ZNF114: variants seen among roughly 807,000 people sequenced by gnomAD.
ZNF114 encodes zinc finger protein 114 (Y18).
Under a neutral mutation model 6.8 loss-of-function variants are expected in ZNF114, and 8 were observed. The ratio of observed to expected loss-of-function variants is 1.18; its 90% CI spans 0.69 to 2.13. The LOEUF is 2.13. Among genes scored for constraint, ZNF114 ranks in the 30% most tolerant of loss-of-function variants. The pLI, the probability that ZNF114 is intolerant of heterozygous loss-of-function variation, is 0.00. For synonymous variants in ZNF114, 169 were observed against 185.5 expected (o/e 0.91, Z 0.72); for missense variants, 472 against 519.5 (o/e 0.91, Z 0.89).
intron 3 of ZNF114, among the ~76,000 whole-genome samples, chr19:48,273,044 C>T (rs1967719275): frequency 6.6e-6 from 1 of 152,166 alleles, no homozygotes; most frequent in Non-Finnish European, 1.5e-5. Flanking sequence ...ATCTGCCCGC[C>T]TCGGCCTCCC....
intron 3 of ZNF114, among the ~76,000 whole-genome samples, chr19:48,275,419 A>AACACACACACACACACAC (rs58275965): frequency 0.027 from 3,528 of 133,024 alleles, 87 homozygotes; most frequent in Non-Finnish European, 0.037. Flanking sequence ...TCTCTACTAA[A>AACACACACACACACACAC]ACACACACAC....
At chr19:48,284,249 G>A (rs1277947220) in intron 5 of ZNF114, among the ~76,000 whole-genome samples, 1 of 152,062 alleles carries the variant, frequency 6.6e-6, no homozygotes, top group Non-Finnish European at 1.5e-5. Flanking sequence ...TTTTCAAGTT[G>A]TTATCTACAG....
chr19:48,278,146 G>C (rs1967898053), intron 3 of ZNF114, among the ~76,000 whole-genome samples: 1 of 152,116 alleles, frequency 6.6e-6, no homozygotes, highest in Admixed American at 6.6e-5. Context: ...ATGTTGGCCA[G>C]GATGGTCTCA....
At chr19:48,272,172 A>G (rs1967676030) in intron 3 of ZNF114, among the ~76,000 whole-genome samples, 1 of 152,142 alleles carries the variant, frequency 6.6e-6, no homozygotes, top group Non-Finnish European at 1.5e-5. Context: ...GCATTTTCGA[A>G]GGCCGAGGTG....
At chr19:48,273,401 G>A (rs552811698) in intron 3 of ZNF114, among the ~76,000 whole-genome samples, 34 of 132,962 alleles carry the variant, frequency 2.6e-4, no homozygotes, top group African/African-American at 9.1e-4. Context: ...ACAATGATGC[G>A]TTGTTTTTCT....
intron 1 of ZNF114, among the ~76,000 whole-genome samples, 172 bp downstream of exon 1, chr19:48,270,391 C>CA (rs1967621265): frequency 3.2e-5 from 2 of 61,890 alleles, no homozygotes; most frequent in Admixed American, 2.0e-4. Flanking sequence ...GAACTTGTCT[C>CA]AGAAAAAAAA....
chr19:48,281,101 C>A (rs914772255), intron 4 of ZNF114, among the ~76,000 whole-genome samples: 2 of 152,166 alleles, frequency 1.3e-5, no homozygotes, highest in African/African-American at 4.8e-5. Flanking sequence ...TGCATTTGCA[C>A]CACTGCACTC....
chr19:48,279,374 G>A (rs111562721), intron 3 of ZNF114, among the ~76,000 whole-genome samples: 1 of 143,186 alleles, frequency 7.0e-6, no homozygotes, highest in Non-Finnish European at 1.5e-5. Flanking sequence ...CTCCAGCCTG[G>A]GCAACAGGAC....
Position 48,279,810 on chromosome 19 carries a change from T to C in ZNF114, c.9+2T>C. The C allele has an allele frequency of 6.2e-7, 1 of 1,613,880 alleles. No individual in the cohort carries two copies. The highest frequency in any genetic ancestry group is 2.2e-5 in the East Asian group (1 of 44,852). Reference sequence around the variant, plus strand: ...ACGTTGGTGACAAATATGTCCCAGGTAAGTTGGCAGCTCACCCTCTCCCAG... The same window carrying C: ...ACGTTGGTGACAAATATGTCCCAGGCAAGTTGGCAGCTCACCCTCTCCCAG... On this transcript the variant is annotated splice_donor_variant, in intron 4 of 5. Transcript: ENST00000595607. LOFTEE classifies it high-confidence loss of function.
rs145563349 is a variant in ZNF114, at chr19:48,286,834, A to G, written c.1210A>G (p.Lys404Glu). 3.8e-6 allele frequency: 6 copies of G among 1,584,700 alleles called. No homozygotes were observed. The highest frequency in any genetic ancestry group is 5.1e-6 in the Non-Finnish European group (6 of 1,171,840). ...AGACTTTGCAAAGTCGTCAGGACTT[A>G]AAAAACATCTTAAGACTCACAAAGA... ...GKDFAKSSGL[K>E]KHLKTHKDEK... is the part of the protein sequence containing the mutation. The change falls in exon 6 of 6, where the codon AAA becomes GAA. Residue 404 changes from lysine to glutamate, a missense_variant. Transcript: ENST00000595607.
At chr19:48,279,710 T>A (rs1379582230) in intron 3 of ZNF114, 21 bp from the exon 4 acceptor site, 2 of 1,580,950 alleles carry the variant, frequency 1.3e-6, no homozygotes, top group Non-Finnish European at 1.7e-6. Context: ...TGGATTCTCA[T>A]AGCTCCATTC....
chr19:48,279,791 G>C lies in ZNF114; in HGVS notation c.-9G>C, dbSNP rs575295434. The C allele has an allele frequency of 3.1e-6, 5 of 1,614,000 alleles. No homozygotes were observed. The African/African-American group carries it at 6.7e-5, about 22-fold the overall frequency. Reference sequence around the variant, plus strand: ...GAAGCCAGGACTGGCCGTCACGTTGGTGACAAATATGTCCCAGGTAAGTTG... The same window carrying C: ...GAAGCCAGGACTGGCCGTCACGTTGCTGACAAATATGTCCCAGGTAAGTTG... On this transcript the variant is annotated 5_prime_UTR_variant, in exon 4 of 6. Coordinates refer to ENST00000595607, the MANE Select transcript of ZNF114 (RefSeq NM_153608.4).
At chr19:48,274,946 C>T (rs73045505) in intron 3 of ZNF114, among the ~76,000 whole-genome samples, 40,663 of 151,748 alleles carry the variant, frequency 0.27, 5,731 homozygotes, top group East Asian at 0.38. Flanking sequence ...AGAACGTCCA[C>T]GCCTGTGCAT....
chr19:48,270,598 AAAG>A (rs1025992765), intron 1 of ZNF114, among the ~76,000 whole-genome samples: 2 of 147,932 alleles, frequency 1.4e-5, no homozygotes, highest in Non-Finnish European at 3.0e-5. Context: ...GAAAGAGAAG[AAAG>A]AAGGGAGGGA....
At chr19:48,270,602 AAGGG>A (rs538078787) in intron 1 of ZNF114, among the ~76,000 whole-genome samples, 399 of 145,672 alleles carry the variant, frequency 2.7e-3, no homozygotes, top group Non-Finnish European at 5.2e-3. Context: ...GAGAAGAAAG[AAGGG>A]AGGGAGGAAG....
chr19:48,286,260 T>C lies in ZNF114; in HGVS notation c.636T>C (p.Asp212=), dbSNP rs750641437. 6.2e-7 allele frequency: 1 copy of C among 1,614,178 alleles called. No individual in the cohort carries two copies. The highest frequency in any genetic ancestry group is 1.1e-5 in the South Asian group (1 of 91,084). Residue 212 remains aspartate (D), a synonymous_variant, in exon 6 of 6, where the codon GAT becomes GAC. Coordinates refer to ENST00000595607, the MANE Select transcript of ZNF114 (RefSeq NM_153608.4). ...GSQNTVHHIR[D]EIDTGANRHQ... ...AGAACACTGTGCATCATATACGTGA[T>C]GAAATTGATACGGGGGCCAACAGGC...
intron 3 of ZNF114, among the ~76,000 whole-genome samples, chr19:48,277,545 T>C (rs1967866885): frequency 2.6e-5 from 4 of 152,152 alleles, no homozygotes; most frequent in Admixed American, 2.0e-4. Flanking sequence ...GTATTTTTAG[T>C]GTTCAGTGTG....
chr19:48,274,752 C>T (rs980855142), intron 3 of ZNF114, among the ~76,000 whole-genome samples: 7 of 151,808 alleles, frequency 4.6e-5, no homozygotes, highest in African/African-American at 7.2e-5. Context: ...GTGATCTGCC[C>T]GCCTCGGCCT....
At chr19:48,280,651 C>T (rs1250825921) in intron 4 of ZNF114, among the ~76,000 whole-genome samples, 1 of 149,950 alleles carries the variant, frequency 6.7e-6, no homozygotes, top group Non-Finnish European at 1.5e-5. Flanking sequence ...CTTCCAGGTT[C>T]AAGTGATTCT....
Sources: gnomAD v4.1 joint callset for allele counts (sites outside exome capture counted in the v4.1 genomes callset) on GRCh38, gnomAD v4.1.1 for gene constraint, MANE v1.5 for transcripts, NCBI Gene and HGNC (gene_info 2026-07-23, HGNC 2026-07-21) for gene names.